The following UNC13B variants were observed in gnomAD, a reference collection of about 807,000 sequenced individuals.
UNC13B encodes unc-13 homolog B.
In UNC13B, 144 loss-of-function variants were observed where a neutral mutation model predicts 211.0. The ratio of observed to expected loss-of-function variants is 0.68; its 90% confidence interval spans 0.60 to 0.78. UNC13B has a LOEUF of 0.78. UNC13B is among the 30% of genes least tolerant of loss of function. The pLI is 0.00. For missense variants in UNC13B, 1,777 were observed against 2,002.0 expected (o/e 0.89, Z 2.14); for synonymous variants, 709 against 725.8 (o/e 0.98, Z 0.37).
At chr9:35,390,515 A>G (rs1835466760) in intron 25 of UNC13B, 114 bp from the exon 26 acceptor site, 8 of 1,184,982 alleles carry the variant, frequency 6.8e-6, no homozygotes, top group East Asian at 2.4e-5. Flanking sequence ...CCTGTTCCCT[A>G]AGCATCTCCT....
At chr9:35,291,154 G>A in intron 7 of UNC13B, 1 of 1,512,022 alleles carries the variant, frequency 6.6e-7, no homozygotes, top group Non-Finnish European at 9.0e-7. Context: ...TACCCACAAA[G>A]TACATACTCC....
chr9:35,201,855 C>A lies in UNC13B; in HGVS notation c.23-26160C>A, dbSNP rs544371018. On this transcript the variant is annotated intron_variant, in intron 1 of 39. Coordinates refer to ENST00000635942, the MANE Select transcript of UNC13B (RefSeq NM_001371189.2). The stretch of plus-strand genomic sequence containing the variant: ...CTATCTCCTTCAGTTCTGCTCTGAT[C>A]TTAGTTATTTCTTGCCTTCTGCTAG... 9.2e-3 allele frequency among the ~76,000 whole-genome samples: 1,393 copies of A among 151,986 alleles called. 25 individuals carry two copies. Among genetic ancestry groups the A allele is most frequent in the African/African-American group, 0.032 (1,345 of 41,454 alleles).
At chr9:35,199,927 C>T (rs1382037485) in intron 1 of UNC13B, among the ~76,000 whole-genome samples, 1 of 152,150 alleles carries the variant, frequency 6.6e-6, no homozygotes, top group Non-Finnish European at 1.5e-5. Context: ...TGCCTATGTC[C>T]TGAATGGTAT....
chr9:35,304,657 G>A lies in UNC13B; in HGVS notation c.5253G>A (p.Val1751=), dbSNP rs1023381046. ...AAGAGACATCATTAGTGAACAAAGT[G>A]GCTTCAGTATTTTCTGTTTTGGGTG... ...QAEETSLVNK[V]ASVFSVLGAS... is the part of the protein sequence containing the mutation. The change falls in exon 9 of 40, where the codon GTG becomes GTA. Residue 1751 remains valine, a synonymous_variant. Coordinates refer to ENST00000635942, the MANE Select transcript of UNC13B (RefSeq NM_001371189.2). 5.0e-6 allele frequency: 2 copies of A among 398,628 alleles called. No homozygotes were observed. The highest frequency in any genetic ancestry group is 4.1e-5 in the African/African-American group (2 of 48,578). The allele number at this position is 398,628 out of a possible 1,614,324, so 24.7% of individuals were successfully genotyped here.
chr9:35,365,489 G>T (rs573870502), intron 11 of UNC13B, among the ~76,000 whole-genome samples: 1 of 152,286 alleles, frequency 6.6e-6, no homozygotes, highest in South Asian at 2.1e-4. Flanking sequence ...ATCTCACTCT[G>T]GATAGGAAAT....
At chr9:35,192,328 C>T (rs1822702006) in intron 1 of UNC13B, among the ~76,000 whole-genome samples, 1 of 152,206 alleles carries the variant, frequency 6.6e-6, no homozygotes, top group African/African-American at 2.4e-5. Context: ...TTGATCTTCT[C>T]TATTTTCTCT....
chr9:35,273,308 A>G (rs1319688105), intron 7 of UNC13B, among the ~76,000 whole-genome samples: 1 of 152,178 alleles, frequency 6.6e-6, no homozygotes, highest in East Asian at 1.9e-4. Context: ...AGCATATCCA[A>G]AAGAGGCATG....
chr9:35,353,769 T>C, intron 11 of UNC13B: 1 of 1,232,074 alleles, frequency 8.1e-7, no homozygotes, highest in African/African-American at 1.5e-5. Flanking sequence ...CATGAGCTAG[T>C]ACAGAAGGCA....
chr9:35,242,793 A>G (rs1825880400), intron 5 of UNC13B, among the ~76,000 whole-genome samples: 1 of 152,160 alleles, frequency 6.6e-6, no homozygotes, highest in Admixed American at 6.6e-5. Flanking sequence ...CCTCTTTCGT[A>G]TATATAATCC....
chr9:35,215,730 A>AT (rs963537641), intron 1 of UNC13B, among the ~76,000 whole-genome samples: 2 of 152,128 alleles, frequency 1.3e-5, no homozygotes, highest in Admixed American at 6.5e-5. Flanking sequence ...AAAATGAGCA[A>AT]TTTTTTTCCT....
In UNC13B at chr9:35,307,584, C is replaced by T. The variant is rs1264810434; in HGVS notation, c.8180C>T (p.Pro2727Leu). The change falls in exon 9 of 40, where the codon CCT (proline) becomes CTT (leucine). Residue 2727 changes from proline (P) to leucine (L), a missense_variant. Transcript: ENST00000635942. Reference protein sequence around the residue: ...TLETEGHFSHPLLEDPVLAAR... With the variant: ...TLETEGHFSHLLLEDPVLAAR... Reference sequence around the variant, plus strand: ...GAAACCGAAGGGCACTTTTCTCATCCTCTGCTGGAGGACCCTGTGCTTGCT... The same window carrying T: ...GAAACCGAAGGGCACTTTTCTCATCTTCTGCTGGAGGACCCTGTGCTTGCT... 6 of 399,034 alleles carry T rather than the reference C, an allele frequency of 1.5e-5. No individual in the cohort carries two copies. The highest frequency in any genetic ancestry group is 2.1e-5 in the African/African-American group (1 of 48,644). 24.7% of individuals were successfully genotyped at this position (399,034 alleles called of 1,614,324 possible). A position where few individuals can be genotyped will look rare whatever the true frequency, so the allele number is the denominator to read the frequency against.
In UNC13B at chr9:35,220,150, A is replaced by G. The variant is rs188876385; in HGVS notation, c.23-7865A>G. Among the ~76,000 whole-genome samples, 600 of 151,842 alleles carry G rather than the reference A, an allele frequency of 4.0e-3. 2 individuals carry two copies. Among genetic ancestry groups the G allele is most frequent in the Admixed American group, 5.3e-3 (80 of 15,230 alleles). ...TGTTCCCCTTATTTTGTATTCTTTA[A>G]TTTTTAATTTTGGGGTATATAATAC... On this transcript the variant is annotated intron_variant, in intron 1 of 39. Transcript: ENST00000635942.
intron 1 of UNC13B, among the ~76,000 whole-genome samples, chr9:35,183,747 C>T (rs1424142247): frequency 2.3e-5 from 3 of 130,990 alleles, no homozygotes; most frequent in Non-Finnish European, 4.8e-5. Context: ...CGGGCAGAGG[C>T]GCTCCTCACA....
At chr9:35,181,621 G>A (rs1200955785) in intron 1 of UNC13B, among the ~76,000 whole-genome samples, 2 of 152,106 alleles carry the variant, frequency 1.3e-5, no homozygotes, top group African/African-American at 4.8e-5. Flanking sequence ...TGGACCACTC[G>A]AGGTCAGGAG....
At position 35,393,976 on chromosome 9, in the gene UNC13B, A is replaced by G. The variant is rs528508650; in HGVS notation, c.11309-2500A>G. 4.6e-5 allele frequency among the ~76,000 whole-genome samples: 7 copies of G among 152,280 alleles called. 1 individual carries two copies. In the South Asian group the frequency reaches 1.0e-3, roughly 23 times the overall value. On this transcript the variant is annotated intron_variant, in intron 26 of 39. Transcript: ENST00000635942. Reference sequence around the variant, plus strand: ...TAGAAAGGCCAGTCGCTCTGTCTACAGTGTGGAGAGTGGATTGGGAGGCAG... The same window carrying G: ...TAGAAAGGCCAGTCGCTCTGTCTACGGTGTGGAGAGTGGATTGGGAGGCAG...
chr9:35,297,418 A>ATT (rs1829421785), intron 8 of UNC13B, among the ~76,000 whole-genome samples: 1 of 149,006 alleles, frequency 6.7e-6, no homozygotes. Flanking sequence ...AGTGCAGGCC[A>ATT]GTTGTTTTGA....
chr9:35,199,321 A>G lies in UNC13B; in HGVS notation c.23-28694A>G, dbSNP rs906339579. Among the ~76,000 whole-genome samples, 8 of 152,174 alleles carry G rather than the reference A, an allele frequency of 5.3e-5. No individual in the cohort carries two copies. In the South Asian group the frequency reaches 1.7e-3, roughly 32 times the overall value. On this transcript the variant is annotated intron_variant, in intron 1 of 39. Coordinates refer to ENST00000635942, the MANE Select transcript of UNC13B (RefSeq NM_001371189.2). ...TAAACATACGTGTGCCTGTGTCTTT[A>G]TAGCAGCATGATTTATAATCCTTTG...
rs56971215 is a variant in UNC13B at position 35,228,703 on chromosome 9, A to AGTGTGTGT, written c.52+698_52+705dup. Among the ~76,000 whole-genome samples, 103 of 140,600 alleles carry AGTGTGTGT rather than the reference A, an allele frequency of 7.3e-4. 1 individual carries two copies. The highest frequency in any genetic ancestry group is 9.6e-4 in the South Asian group (4 of 4,156). 92.2% of individuals were successfully genotyped at this position (140,600 alleles called of 152,430 possible). ...TTTTCCCCCAGCAACACATCATGAA[A>AGTGTGTGT]GTGTGTGTGTGTGTGTGTGTGTGTG... On this transcript the variant is annotated intron_variant, in intron 2 of 39. Coordinates refer to ENST00000635942, the MANE Select transcript of UNC13B (RefSeq NM_001371189.2).
intron 29 of UNC13B, 112 bp from the exon 30 acceptor site, chr9:35,397,516 GATTCCCC>G: frequency 1.5e-6 from 2 of 1,315,536 alleles, no homozygotes; most frequent in Non-Finnish European, 2.1e-6. Context: ...TGTACTGTGG[GATTCCCC>G]CTTTACCTCC....
Sources: allele counts gnomAD v4.1 joint callset (sites outside exome capture counted in the v4.1 genomes callset), GRCh38; gene constraint gnomAD v4.1.1; transcripts MANE v1.5; gene names NCBI Gene and HGNC (gene_info 2026-07-23, HGNC 2026-07-21).